Variants in DAB1 observed in about 807,000 individuals in gnomAD.
DAB1 encodes disabled homolog 1.
DAB1 carries 15 observed loss-of-function variants against 64.6 expected under a neutral mutation model. The ratio of observed to expected loss-of-function variants is 0.23; its 90% confidence interval spans 0.16 to 0.36. The LOEUF (loss-of-function observed/expected upper bound fraction) is 0.36. Among genes scored for constraint, DAB1 ranks in the 10% least tolerant of loss-of-function variants. DAB1 has a pLI of 1.00. For synonymous variants in DAB1, 235 were observed against 251.9 expected (o/e 0.93, Z 0.64); for missense variants, 596 against 706.7 (o/e 0.84, Z 1.78).
At position 58,338,971 on chromosome 1, in the gene DAB1, C is replaced by T. The variant is rs186677574; in HGVS notation, n.309+4381G>A. 1.8e-3 allele frequency among the ~76,000 whole-genome samples: 281 copies of T among 151,958 alleles called. 3 individuals carry two copies. Among genetic ancestry groups the T allele is most frequent in the Non-Finnish European group, 6.3e-4 (43 of 67,966 alleles). ...TCCAGAATAGGTAAATCTATAGATA[C>T]GGAAAGTGAATTGATGGCTGTCAGG... On this transcript the variant is annotated intron_variant and non_coding_transcript_variant, in intron 4 of 20. Coordinates refer to the DAB1 transcript ENST00000485760.
In DAB1 at chr1:57,184,806, G is replaced by A. The variant is rs574049945; in HGVS notation, c.68-39377C>T. ...CTGTGCCCATAAAAGTCCCATAGAC[G>A]CTTTTTCATGATGCATTTCAAACAC... On this transcript the variant is annotated intron_variant, in intron 2 of 14. Transcript: ENST00000371236. Among the ~76,000 whole-genome samples, 6 of 152,164 alleles carry A rather than the reference G, an allele frequency of 3.9e-5. No homozygotes were observed. The East Asian group carries it at 5.8e-4, about 15-fold the overall frequency.
At chr1:57,246,943 A>G (rs1347744831) in intron 2 of DAB1, among the ~76,000 whole-genome samples, 1 of 152,192 alleles carries the variant, frequency 6.6e-6, no homozygotes, top group Non-Finnish European at 1.5e-5. Context: ...ACATTTACCC[A>G]CTGCCTGTAC....
intron 6 of DAB1, among the ~76,000 whole-genome samples, chr1:57,709,109 A>G (rs1421176679): frequency 1.3e-5 from 2 of 152,118 alleles, no homozygotes; most frequent in African/African-American, 4.8e-5. Flanking sequence ...TTTTCCTGAA[A>G]AATACCATTA....
intron 9 of DAB1, among the ~76,000 whole-genome samples, chr1:57,045,980 C>T (rs1334965657): frequency 6.6e-6 from 1 of 152,184 alleles, no homozygotes; most frequent in Non-Finnish European, 1.5e-5. Flanking sequence ...TTATCCTTCA[C>T]AATCAGACTC....
intron 7 of DAB1, among the ~76,000 whole-genome samples, chr1:57,635,392 C>T (rs1332161240): frequency 2.0e-4 from 30 of 152,258 alleles, no homozygotes; most frequent in Admixed American, 1.8e-3. Flanking sequence ...CACTCCCCAT[C>T]GCTTGCGTTA....
chr1:57,614,053 G>C (rs749856821), intron 7 of DAB1, among the ~76,000 whole-genome samples: 28 of 152,136 alleles, frequency 1.8e-4, no homozygotes, highest in Non-Finnish European at 3.7e-4. Context: ...TAAAGGAGAG[G>C]CTGTCCAGGT....
intron 7 of DAB1, among the ~76,000 whole-genome samples, chr1:57,587,490 G>A (rs1366751195): frequency 2.0e-5 from 3 of 152,006 alleles, no homozygotes; most frequent in Non-Finnish European, 2.9e-5. Flanking sequence ...TTATTTTCCA[G>A]GTCACACAGT....
At chr1:57,795,127 G>T (rs530096190) in intron 6 of DAB1, among the ~76,000 whole-genome samples, 1 of 152,318 alleles carries the variant, frequency 6.6e-6, no homozygotes, top group Non-Finnish European at 1.5e-5. Context: ...GTGCTTTAAA[G>T]AACATGAACA....
At chr1:57,043,736 A>G (rs1003646145) in intron 9 of DAB1, among the ~76,000 whole-genome samples, 3 of 151,968 alleles carry the variant, frequency 2.0e-5, no homozygotes, top group Non-Finnish European at 4.4e-5. Flanking sequence ...AGTCCCAGCT[A>G]CTCAGGATGC....
intron 6 of DAB1, among the ~76,000 whole-genome samples, chr1:57,820,113 G>C (rs978015923): frequency 3.9e-5 from 6 of 152,106 alleles, no homozygotes; most frequent in Non-Finnish European, 5.9e-5. Flanking sequence ...CTGTTCACAG[G>C]CGTCAAACTA....
At chr1:57,566,008 T>C (rs999597174) in intron 7 of DAB1, among the ~76,000 whole-genome samples, 1 of 152,196 alleles carries the variant, frequency 6.6e-6, no homozygotes, top group African/African-American at 2.4e-5. Context: ...TATTCCAAAA[T>C]TGACCACATA....
intron 1 of DAB1, among the ~76,000 whole-genome samples, chr1:57,351,442 A>T (rs1678583575): frequency 6.6e-6 from 1 of 152,084 alleles, no homozygotes; most frequent in African/African-American, 2.4e-5. Flanking sequence ...GAAACAAAGG[A>T]GGGGAGTTGA....
intron 3 of DAB1, among the ~76,000 whole-genome samples, chr1:58,356,474 G>T (rs1052607082): frequency 1.3e-5 from 2 of 152,074 alleles, no homozygotes; most frequent in African/African-American, 4.8e-5. Context: ...GAAGTAACTG[G>T]AGCTAATTTA....
chr1:57,536,645 T>C (rs1185376995), intron 7 of DAB1, among the ~76,000 whole-genome samples: 1 of 150,962 alleles, frequency 6.6e-6, no homozygotes, highest in Non-Finnish European at 1.5e-5. Context: ...TTTGAAGTCC[T>C]TCCTACTTAC....
intron 5 of DAB1, among the ~76,000 whole-genome samples, chr1:57,927,014 G>T (rs1644889112): frequency 6.6e-6 from 1 of 152,158 alleles, no homozygotes; most frequent in African/African-American, 2.4e-5. Context: ...GGCAAGCTAG[G>T]TTCAAGTCCC....
At chr1:57,136,854 G>T (rs1424453334) in intron 3 of DAB1, among the ~76,000 whole-genome samples, 3 of 152,076 alleles carry the variant, frequency 2.0e-5, no homozygotes, top group African/African-American at 4.8e-5. Flanking sequence ...ATTGTATAGA[G>T]AAATATTTGA....
chr1:57,126,610 T>A (rs1016165112), intron 4 of DAB1, among the ~76,000 whole-genome samples: 1 of 152,220 alleles, frequency 6.6e-6, no homozygotes, highest in African/African-American at 2.4e-5. Context: ...ATGACACGTA[T>A]GTCAAGCTCT....
chr1:58,190,790 G>A (rs755451605), intron 4 of DAB1, among the ~76,000 whole-genome samples: 11 of 152,196 alleles, frequency 7.2e-5, no homozygotes, highest in Non-Finnish European at 1.2e-4. Flanking sequence ...CGGCAAGACC[G>A]GGGAACAAAA....
chr1:57,909,822 A>T (rs1370820384), intron 5 of DAB1, among the ~76,000 whole-genome samples: 2 of 152,244 alleles, frequency 1.3e-5, no homozygotes, highest in East Asian at 3.8e-4. Context: ...TGAGCATATG[A>T]GATTATATGG....
Sources: gnomAD v4.1 joint callset for allele counts (sites outside exome capture counted in the v4.1 genomes callset) on GRCh38, gnomAD v4.1.1 for gene constraint, MANE v1.5 for transcripts, NCBI Gene and HGNC (gene_info 2026-07-23, HGNC 2026-07-21) for gene names.